UMAD1: variants seen among roughly 807,000 people sequenced by gnomAD.
UMAD1 encodes UBAP1-MVB12-associated (UMA)-domain containing protein 1.
A neutral mutation model predicts 6.1 loss-of-function variants in UMAD1; 8 were observed. The observed-to-expected ratio is 1.30, with a 90% CI of 0.76 to 2.35. The LOEUF is 2.35. Ranked by LOEUF, UMAD1 falls within the 30% of genes most tolerant of loss-of-function variation. UMAD1 has a pLI of 0.00. For synonymous variants in UMAD1, 56 were observed against 31.4 expected, an observed-to-expected ratio of 1.78 and a Z score of -2.61; for missense variants, 130 against 78.4, an observed-to-expected ratio of 1.66 and a Z score of -2.49.
chr7:7,686,993 C>G (rs1780056123), intron 2 of UMAD1, among the ~76,000 whole-genome samples: 1 of 152,174 alleles, frequency 6.6e-6, no homozygotes, highest in African/African-American at 2.4e-5. Context: ...GTAAGGATAG[C>G]TGAAGAGTGA....
intron 3 of UMAD1, among the ~76,000 whole-genome samples, chr7:7,815,374 G>C (rs185704263): frequency 5.7e-4 from 86 of 151,996 alleles, no homozygotes; most frequent in Non-Finnish European, 9.1e-4. Flanking sequence ...AGGAAATTAT[G>C]GTTAATGCCT....
At chr7:7,788,842 T>C (rs1257083427) in intron 2 of UMAD1, among the ~76,000 whole-genome samples, 1 of 152,230 alleles carries the variant, frequency 6.6e-6, no homozygotes, top group East Asian at 1.9e-4. Context: ...TTGAAAAATG[T>C]CCCATCTTCA....
chr7:7,660,015 T>G (rs1043881669), intron 1 of UMAD1, among the ~76,000 whole-genome samples: 1 of 152,230 alleles, frequency 6.6e-6, no homozygotes, highest in African/African-American at 2.4e-5. Flanking sequence ...TTTAGGATAG[T>G]TAGCTCTTCT....
intron 2 of UMAD1, among the ~76,000 whole-genome samples, chr7:7,756,089 C>G (rs1781769883): frequency 6.6e-6 from 1 of 152,150 alleles, no homozygotes; most frequent in African/African-American, 2.4e-5. Flanking sequence ...AAAGAAAGGA[C>G]TATGAAGTGA....
At chr7:7,723,658 A>T (rs923477247) in intron 2 of UMAD1, among the ~76,000 whole-genome samples, 1 of 152,196 alleles carries the variant, frequency 6.6e-6, no homozygotes, top group South Asian at 2.1e-4. Flanking sequence ...TCTTCTCTGT[A>T]TGTCAGAACT....
intron 2 of UMAD1, among the ~76,000 whole-genome samples, chr7:7,709,062 C>T (rs1780682246): frequency 6.6e-6 from 1 of 152,048 alleles, no homozygotes; most frequent in African/African-American, 2.4e-5. Flanking sequence ...CAATTAACTA[C>T]TTAATAACAC....
intron 2 of UMAD1, among the ~76,000 whole-genome samples, chr7:7,746,977 G>GTC (rs979812647): frequency 2.6e-5 from 4 of 151,814 alleles, no homozygotes; most frequent in Admixed American, 6.5e-5. Flanking sequence ...GTGTGTGTGT[G>GTC]TGTGTGTGTG....
intron 2 of UMAD1, among the ~76,000 whole-genome samples, chr7:7,759,558 G>GA (rs1358959858): frequency 6.6e-6 from 1 of 152,102 alleles, no homozygotes; most frequent in Non-Finnish European, 1.5e-5. Context: ...GTACATAAAT[G>GA]AAAATCTAAT....
chr7:7,829,195 G>C (rs1172355227), intron 3 of UMAD1, among the ~76,000 whole-genome samples: 1 of 152,136 alleles, frequency 6.6e-6, no homozygotes, highest in East Asian at 1.9e-4. Context: ...TTGGTGATAA[G>C]GATAAATTAT....
chr7:7,797,996 C>G (rs1213428128), intron 2 of UMAD1, among the ~76,000 whole-genome samples: 1 of 152,158 alleles, frequency 6.6e-6, no homozygotes, highest in Non-Finnish European at 1.5e-5. Context: ...CATCATTCAA[C>G]TTTTTATCCC....
intron 3 of UMAD1, among the ~76,000 whole-genome samples, chr7:7,870,431 G>T (rs544085765): frequency 6.6e-6 from 1 of 152,176 alleles, no homozygotes; most frequent in African/African-American, 2.4e-5. Flanking sequence ...TCTGAAATTT[G>T]GCTATTAACC....
chr7:7,687,671 A>T (rs1780072202), intron 2 of UMAD1, among the ~76,000 whole-genome samples: 2 of 152,224 alleles, frequency 1.3e-5, no homozygotes, highest in South Asian at 4.1e-4. Context: ...TTGTCAGTTA[A>T]ATTTGAAAAG....
chr7:7,768,733 A>G (rs1415245901), intron 2 of UMAD1, among the ~76,000 whole-genome samples: 3 of 152,108 alleles, frequency 2.0e-5, no homozygotes, highest in African/African-American at 7.2e-5. Flanking sequence ...TATATATTAG[A>G]TATTTCGTAT....
chr7:7,641,297 A>C (rs987127129), intron 1 of UMAD1: 1 of 152,150 alleles, frequency 6.6e-6, no homozygotes, highest in African/African-American at 2.4e-5. Flanking sequence ...CAATAGAAGC[A>C]CTTAAGGATG....
At chr7:7,675,359 A>C (rs558204172) in intron 2 of UMAD1, among the ~76,000 whole-genome samples, 15 of 152,156 alleles carry the variant, frequency 9.9e-5, no homozygotes, top group Non-Finnish European at 1.9e-4. Context: ...GACAAATTTT[A>C]ACCACCACTG....
At chr7:7,854,556 C>T (rs935258136) in intron 3 of UMAD1, among the ~76,000 whole-genome samples, 2 of 151,964 alleles carry the variant, frequency 1.3e-5, no homozygotes, top group Admixed American at 1.3e-4. Flanking sequence ...ATCACGTTAA[C>T]AACATGGGGG....
At chr7:7,657,389 T>G (rs1785369111) in intron 1 of UMAD1, among the ~76,000 whole-genome samples, 1 of 152,360 alleles carries the variant, frequency 6.6e-6, no homozygotes, top group South Asian at 2.1e-4. Flanking sequence ...TCTTTGCCCA[T>G]GCCTATGTCC....
chr7:7,832,604 G>A (rs1388589447), intron 3 of UMAD1, among the ~76,000 whole-genome samples: 1 of 152,186 alleles, frequency 6.6e-6, no homozygotes, highest in Non-Finnish European at 1.5e-5. Context: ...TTAATGGTGA[G>A]TTTAGTAACG....
intron 3 of UMAD1, among the ~76,000 whole-genome samples, chr7:7,857,033 A>G (rs1048820108): frequency 6.6e-6 from 1 of 152,234 alleles, no homozygotes; most frequent in Non-Finnish European, 1.5e-5. Context: ...AGCAACCACC[A>G]TAAAATTGTA....
Sources: gnomAD v4.1 joint callset for allele counts (sites outside exome capture counted in the v4.1 genomes callset) on GRCh38, gnomAD v4.1.1 for gene constraint, MANE v1.5 for transcripts, NCBI Gene and HGNC (gene_info 2026-07-23, HGNC 2026-07-21) for gene names.